The following TMEM196 variants were observed in gnomAD, a reference collection of about 807,000 sequenced individuals.
TMEM196 encodes transmembrane protein 196.
A neutral mutation model predicts 20.0 loss-of-function variants in TMEM196; 17 were observed. The observed-to-expected ratio is 0.85, with a 90% confidence interval of 0.58 to 1.27. TMEM196 has a LOEUF of 1.27. TMEM196 is among the 50% of genes most tolerant of loss of function. The pLI is 0.00. For missense variants in TMEM196, 267 were observed against 223.0 expected (o/e 1.20, Z -1.26); for synonymous variants, 113 against 88.9 (o/e 1.27, Z -1.52).
At chr7:19,754,239 T>C (rs112677966) in intron 1 of TMEM196, among the ~76,000 whole-genome samples, 4,909 of 152,302 alleles carry the variant, frequency 0.032, 256 homozygotes, top group African/African-American at 0.11. Context: ...ATTGTAGGTA[T>C]AAGTCACTTG....
chr7:19,724,842 A>C (rs1783935556), intron 3 of TMEM196, among the ~76,000 whole-genome samples: 1 of 152,184 alleles, frequency 6.6e-6, no homozygotes, highest in Non-Finnish European at 1.5e-5. Context: ...AAACCGAATT[A>C]AGGAATATGT....
intron 2 of TMEM196, among the ~76,000 whole-genome samples, chr7:19,727,746 G>C (rs1389965235): frequency 6.6e-6 from 1 of 152,104 alleles, no homozygotes; most frequent in Non-Finnish European, 1.5e-5. Flanking sequence ...TTACAGGAAA[G>C]CCCATGTCTT....
At chr7:19,749,566 G>A (rs1784883072) in intron 1 of TMEM196, among the ~76,000 whole-genome samples, 1 of 151,988 alleles carries the variant, frequency 6.6e-6, no homozygotes, top group South Asian at 2.1e-4. Flanking sequence ...TTAAATGTAT[G>A]GAACATGATG....
At chr7:19,736,633 T>C (rs558297516) in intron 1 of TMEM196, among the ~76,000 whole-genome samples, 18 of 151,816 alleles carry the variant, frequency 1.2e-4, no homozygotes, top group African/African-American at 4.3e-4. Context: ...TGCAGTGTTT[T>C]CAGCAGTGCT....
At chr7:19,768,837 T>C (rs530204816) in intron 1 of TMEM196, among the ~76,000 whole-genome samples, 2 of 152,276 alleles carry the variant, frequency 1.3e-5, no homozygotes, top group African/African-American at 4.8e-5. Flanking sequence ...TCAGATGAAA[T>C]AGTGCCTGGA....
At chr7:19,764,964 A>G (rs1046463035) in intron 1 of TMEM196, among the ~76,000 whole-genome samples, 50 of 152,196 alleles carry the variant, frequency 3.3e-4, no homozygotes, top group Admixed American at 2.9e-3. Flanking sequence ...ACACAACACA[A>G]TAGAAAAAGT....
chr7:19,754,355 C>A (rs1274241135), intron 1 of TMEM196, among the ~76,000 whole-genome samples: 3 of 152,102 alleles, frequency 2.0e-5, no homozygotes, highest in Non-Finnish European at 4.4e-5. Flanking sequence ...TATTCAAATT[C>A]TCAGCCAAGT....
chr7:19,728,926 A>G (rs890898507), intron 2 of TMEM196, among the ~76,000 whole-genome samples: 2 of 152,252 alleles, frequency 1.3e-5, no homozygotes, highest in South Asian at 2.1e-4. Flanking sequence ...AACTGTAACC[A>G]TAGCAACACA....
chr7:19,761,188 T>G (rs10271742), intron 1 of TMEM196, among the ~76,000 whole-genome samples: 30,783 of 152,150 alleles, frequency 0.2, 3,230 homozygotes, highest in East Asian at 0.28. Context: ...AGTTCTGCAA[T>G]TTTAGCATAG....
In TMEM196 at chr7:19,772,625, G is replaced by A; in HGVS notation, c.72C>T (p.Ser24=). ...LSVLEIGLGV[S]SVAVGAVSFS... is the part of the protein sequence containing the mutation. ...AGCTGACCGCCCCCACGGCCACGCT[G>A]GACACCCCCAGCCCTATCTCCAGCA... The change falls in exon 1 of 5, where the codon TCC becomes TCT. Residue 24 remains serine, a synonymous_variant. Transcript: ENST00000405844. The A allele has an allele frequency of 1.3e-6, 2 of 1,546,714 alleles. No homozygotes were observed. The highest frequency in any genetic ancestry group is 1.7e-6 in the Non-Finnish European group (2 of 1,145,638).
intron 1 of TMEM196, among the ~76,000 whole-genome samples, chr7:19,753,655 A>G (rs967715442): frequency 2.0e-5 from 3 of 152,174 alleles, no homozygotes; most frequent in Non-Finnish European, 4.4e-5. Context: ...TTATTCTTAA[A>G]ATAAATTGAT....
chr7:19,740,273 T>A (rs558405564), intron 1 of TMEM196, among the ~76,000 whole-genome samples: 1 of 152,270 alleles, frequency 6.6e-6, no homozygotes, highest in South Asian at 2.1e-4. Flanking sequence ...TATACTACCT[T>A]TTGTGTAGAA....
At chr7:19,751,146 G>A (rs994380958) in intron 1 of TMEM196, among the ~76,000 whole-genome samples, 3 of 152,168 alleles carry the variant, frequency 2.0e-5, no homozygotes, top group Non-Finnish European at 4.4e-5. Flanking sequence ...TGTTGGAAGA[G>A]AAAATAATTC....
chr7:19,749,857 A>C (rs1784896423), intron 1 of TMEM196, among the ~76,000 whole-genome samples: 1 of 152,160 alleles, frequency 6.6e-6, no homozygotes, highest in South Asian at 2.1e-4. Context: ...TGAGTCATGC[A>C]ATCTTAACTT....
At chr7:19,727,978 G>T (rs1784058842) in intron 2 of TMEM196, among the ~76,000 whole-genome samples, 1 of 151,746 alleles carries the variant, frequency 6.6e-6, no homozygotes, top group South Asian at 2.1e-4. Flanking sequence ...GCCATCAATG[G>T]GGACCTTAGA....
chr7:19,769,003 A>G (rs185492871), intron 1 of TMEM196, among the ~76,000 whole-genome samples: 2 of 152,298 alleles, frequency 1.3e-5, no homozygotes, highest in East Asian at 1.9e-4. Context: ...TAAAAAGCTT[A>G]TGATTTTAGG....
chr7:19,731,538 C>G (rs1227741651), intron 1 of TMEM196, among the ~76,000 whole-genome samples: 3 of 152,194 alleles, frequency 2.0e-5, no homozygotes, highest in Non-Finnish European at 2.9e-5. Flanking sequence ...CCTGACTACC[C>G]CATTTTCATC....
intron 1 of TMEM196, among the ~76,000 whole-genome samples, chr7:19,743,765 C>T (rs2128025347): frequency 6.6e-6 from 1 of 152,250 alleles, no homozygotes; most frequent in South Asian, 2.1e-4. Flanking sequence ...ACATGAATTA[C>T]ATCTTTCCAG....
At chr7:19,760,412 G>C (rs759085432) in intron 1 of TMEM196, among the ~76,000 whole-genome samples, 17 of 135,418 alleles carry the variant, frequency 1.3e-4, no homozygotes, top group South Asian at 2.4e-4. Context: ...CCAGGCTGGA[G>C]TGCAGTGACA....
Sources: gnomAD v4.1 joint callset for allele counts (sites outside exome capture counted in the v4.1 genomes callset) on GRCh38, gnomAD v4.1.1 for gene constraint, MANE v1.5 for transcripts, NCBI Gene and HGNC (gene_info 2026-07-23, HGNC 2026-07-21) for gene names.